The following EBPL variants were observed in gnomAD, a reference collection of about 807,000 sequenced individuals.
The protein encoded by EBPL is EBP like.
Under a neutral mutation model 19.0 loss-of-function variants are expected in EBPL, and 20 were observed. The ratio of observed to expected loss-of-function variants is 1.05; its 90% CI spans 0.74 to 1.53. The LOEUF is 1.53. EBPL is among the 40% of genes most tolerant of loss of function. The probability of loss-of-function intolerance (pLI) is 0.00; values close to 1 mark genes in which losing one functional copy is unlikely to be tolerated. For synonymous variants in EBPL, 107 were observed against 117.0 expected (o/e 0.91, Z 0.55); for missense variants, 219 against 261.1 (o/e 0.84, Z 1.11).
chr13:49,667,165 T>C (rs1289612224), intron 2 of EBPL, among the ~76,000 whole-genome samples: 1 of 152,154 alleles, frequency 6.6e-6, no homozygotes, highest in Non-Finnish European at 1.5e-5. Flanking sequence ...GGCATCTCCC[T>C]CTGGCAGTCC....
intron 2 of EBPL, among the ~76,000 whole-genome samples, chr13:49,666,380 GC>G (rs1183180449): frequency 2.0e-5 from 3 of 152,178 alleles, no homozygotes; most frequent in South Asian, 4.2e-4. Context: ...GCCATCTGAG[GC>G]CCCCCTGGAT....
chr13:49,677,283 T>C (rs1443894345), intron 1 of EBPL, among the ~76,000 whole-genome samples: 2 of 152,170 alleles, frequency 1.3e-5, no homozygotes, highest in African/African-American at 4.8e-5. Context: ...ATCACACTTG[T>C]CCACTCCCAC....
At chr13:49,667,009 A>G (rs1266970358) in intron 2 of EBPL, among the ~76,000 whole-genome samples, 1 of 152,194 alleles carries the variant, frequency 6.6e-6, no homozygotes, top group Non-Finnish European at 1.5e-5. Flanking sequence ...GAGCATGTGC[A>G]AAGGCCTGGA....
intron 1 of EBPL, among the ~76,000 whole-genome samples, chr13:49,687,027 G>A (rs756170118): frequency 6.6e-6 from 1 of 152,044 alleles, no homozygotes; most frequent in Non-Finnish European, 1.5e-5. Flanking sequence ...GGCTGGTCTC[G>A]CAACTCCTAG....
At chr13:49,682,961 ATTCT>A (rs1378234692) in intron 1 of EBPL, among the ~76,000 whole-genome samples, 1 of 151,988 alleles carries the variant, frequency 6.6e-6, no homozygotes, top group Non-Finnish European at 1.5e-5. Flanking sequence ...TACTGCATTC[ATTCT>A]TTCATTCATT....
chr13:49,676,968 C>T (rs1953883245), intron 1 of EBPL, among the ~76,000 whole-genome samples: 1 of 151,962 alleles, frequency 6.6e-6, no homozygotes, highest in Admixed American at 6.6e-5. Flanking sequence ...TTGCAAAAGT[C>T]CTTTGTTGAA....
chr13:49,690,173 C>CA (rs1332181431), intron 1 of EBPL, among the ~76,000 whole-genome samples: 15,243 of 96,320 alleles, frequency 0.16, 1,031 homozygotes, highest in African/African-American at 0.19. Context: ...AAAAAAAAGA[C>CA]AAAAAAAAAA....
Position 49,660,800 on chromosome 13 carries a change from C to T in EBPL, c.*168G>A, listed in dbSNP as rs190193542. The T allele has an allele frequency of 1.6e-3, 912 of 565,814 alleles. 6 individuals are homozygous for T. The highest frequency in any genetic ancestry group is 0.016 in the African/African-American group (847 of 53,160). The allele number at this position is 565,814 out of a possible 1,614,324, so 35.0% of individuals were successfully genotyped here. On this transcript the variant is annotated 3_prime_UTR_variant, in exon 4 of 4. Transcript: ENST00000242827. ...CCTATATCACCATTTAATTGAACAA[C>T]AATACAACGAAAACTGGTCGCCTTA...
At chr13:49,690,244 GTTGA>G (rs1180704760) in intron 1 of EBPL, among the ~76,000 whole-genome samples, 2 of 150,498 alleles carry the variant, frequency 1.3e-5, no homozygotes, top group Non-Finnish European at 3.0e-5. Flanking sequence ...ATCTCTACAT[GTTGA>G]TTATCAGAAT....
chr13:49,681,322 G>A (rs992558783), intron 1 of EBPL, among the ~76,000 whole-genome samples: 7 of 151,950 alleles, frequency 4.6e-5, no homozygotes, highest in Non-Finnish European at 8.8e-5. Context: ...AGATGGTCTC[G>A]CTCTGTCGCT....
At chr13:49,678,796 G>A (rs567389307) in intron 1 of EBPL, among the ~76,000 whole-genome samples, 9 of 152,186 alleles carry the variant, frequency 5.9e-5, no homozygotes, top group Non-Finnish European at 1.0e-4. Context: ...AGGAGGCACC[G>A]AGAGCGAGTG....
intron 2 of EBPL, among the ~76,000 whole-genome samples, chr13:49,665,531 A>G (rs1965213364): frequency 6.6e-6 from 1 of 152,126 alleles, no homozygotes; most frequent in Non-Finnish European, 1.5e-5. Context: ...TTGGCCTCCT[A>G]AAGTGCTGGG....
At chr13:49,661,516 G>C (rs1227559726) in intron 3 of EBPL, among the ~76,000 whole-genome samples, 2 of 152,154 alleles carry the variant, frequency 1.3e-5, no homozygotes, top group Admixed American at 1.3e-4. Context: ...TTAACACAGA[G>C]AGGCCTGACT....
intron 3 of EBPL, 145 bp downstream of exon 3, chr13:49,662,912 A>G: frequency 9.6e-7 from 1 of 1,043,642 alleles, no homozygotes; most frequent in Non-Finnish European, 1.4e-6. Flanking sequence ...CTGGGATTAC[A>G]GGTGGGAGCC....
At chr13:49,670,567 G>T (rs967434911) in intron 1 of EBPL, among the ~76,000 whole-genome samples, 1 of 151,966 alleles carries the variant, frequency 6.6e-6, no homozygotes, top group Admixed American at 6.6e-5. Flanking sequence ...ATTAAAACTG[G>T]GTCCTGCCAC....
chr13:49,682,637 G>A (rs1278517721), intron 1 of EBPL, among the ~76,000 whole-genome samples: 4 of 152,230 alleles, frequency 2.6e-5, no homozygotes, highest in Non-Finnish European at 5.9e-5. Context: ...TGTGTGCATG[G>A]CCAAGCTTGA....
chr13:49,671,570 A>C (rs1256643673), intron 1 of EBPL, among the ~76,000 whole-genome samples: 1 of 152,176 alleles, frequency 6.6e-6, no homozygotes, highest in Non-Finnish European at 1.5e-5. Flanking sequence ...TTTTATTTTT[A>C]GCAGAGCCAT....
At chr13:49,687,843 C>T (rs1391202209) in intron 1 of EBPL, among the ~76,000 whole-genome samples, 1 of 152,178 alleles carries the variant, frequency 6.6e-6, no homozygotes, top group South Asian at 2.1e-4. Flanking sequence ...AAATCTCGGA[C>T]GCTAGAGTTT....
chr13:49,667,094 G>A (rs562878734), intron 2 of EBPL, among the ~76,000 whole-genome samples: 1 of 152,208 alleles, frequency 6.6e-6, no homozygotes, highest in East Asian at 1.9e-4. Flanking sequence ...TGCGTGAGAG[G>A]AAGGTAGGGG....
Sources: allele counts gnomAD v4.1 joint callset (sites outside exome capture counted in the v4.1 genomes callset), GRCh38; gene constraint gnomAD v4.1.1; transcripts MANE v1.5; gene names NCBI Gene and HGNC (gene_info 2026-07-23, HGNC 2026-07-21).